The following LRRC8B variants were observed in gnomAD, a reference collection of about 807,000 sequenced individuals.
LRRC8B encodes the protein leucine rich repeat containing 8 VRAC subunit B, also known as volume-regulated anion channel subunit LRRC8B.
LRRC8B carries 23 observed loss-of-function variants against 58.8 expected under a neutral mutation model. The observed-to-expected ratio is 0.39, with a 90% CI of 0.28 to 0.55. LRRC8B has a LOEUF of 0.55. LRRC8B is among the 20% of genes least tolerant of loss of function. The pLI is 0.62. For synonymous variants in LRRC8B, 359 were observed against 374.1 expected (o/e 0.96, Z 0.47); for missense variants, 694 against 936.0 (o/e 0.74, Z 3.37).
chr1:89,548,221 G>A lies in LRRC8B; in HGVS notation c.-240-20026G>A, dbSNP rs555090203. On this transcript the variant is annotated intron_variant, in intron 1 of 5. Transcript: ENST00000330947. ...TTAGACATCAAATGGAAAAGCTATA[G>A]CATGAATTACTCAGAATACATCTTT... Among the ~76,000 whole-genome samples, 4 of 152,200 alleles carry A rather than the reference G, an allele frequency of 2.6e-5. No individual in the cohort carries two copies. The South Asian group carries it at 8.3e-4, about 32-fold the overall frequency.
chr1:89,541,489 A>G (rs528003310), intron 1 of LRRC8B, among the ~76,000 whole-genome samples: 1,984 of 151,846 alleles, frequency 0.013, 41 homozygotes, highest in African/African-American at 0.045. Context: ...AGGCGGGCGG[A>G]TCACGAGGTC....
Position 89,595,778 on chromosome 1 carries a change from A to G in LRRC8B, c.*2735A>G, listed in dbSNP as rs1159480450. On this transcript the variant is annotated 3_prime_UTR_variant, in exon 6 of 6. Transcript: ENST00000330947. ...AGGGTGTTAATACCACCTTTACTGT[A>G]CTGTTGGAGCAGATCTTTATTTTAC... is the stretch of plus-strand genomic sequence containing the variant. 1 of 152,160 alleles carries G rather than the reference A, an allele frequency of 6.6e-6. No individual in the cohort carries two copies. The highest frequency in any genetic ancestry group is 2.4e-5 in the African/African-American group (1 of 41,438). The allele number at this position is 152,160 out of a possible 1,614,324, so 9.4% of individuals were successfully genotyped here.
At chr1:89,564,546 CTAA>C (rs947205958) in intron 1 of LRRC8B, among the ~76,000 whole-genome samples, 3 of 152,160 alleles carry the variant, frequency 2.0e-5, no homozygotes, top group African/African-American at 7.2e-5. Context: ...TTAGAGTTGG[CTAA>C]TAATATCTAC....
chr1:89,573,883 A>G (rs573609891), intron 3 of LRRC8B, among the ~76,000 whole-genome samples: 2 of 152,308 alleles, frequency 1.3e-5, no homozygotes, highest in Non-Finnish European at 2.9e-5. Context: ...AACTCTGCCT[A>G]TCAAGAGGTG....
At chr1:89,575,039 C>A (rs550429035) in intron 3 of LRRC8B, among the ~76,000 whole-genome samples, 1 of 152,260 alleles carries the variant, frequency 6.6e-6, no homozygotes, top group African/African-American at 2.4e-5. Context: ...GGACTTCAAG[C>A]CTGAATTTGA....
intron 1 of LRRC8B, among the ~76,000 whole-genome samples, chr1:89,528,900 G>T (rs1308100875): frequency 6.6e-6 from 1 of 152,178 alleles, no homozygotes; most frequent in East Asian, 1.9e-4. Flanking sequence ...TATACTTCTT[G>T]TTATATGTCA....
intron 3 of LRRC8B, among the ~76,000 whole-genome samples, chr1:89,574,294 C>T (rs1653679129): frequency 6.6e-6 from 1 of 152,144 alleles, no homozygotes; most frequent in South Asian, 2.1e-4. Context: ...TGACTTGTTA[C>T]ACAGAATAAA....
intron 1 of LRRC8B, among the ~76,000 whole-genome samples, chr1:89,527,679 C>G (rs1649807768): frequency 6.6e-6 from 1 of 152,236 alleles, no homozygotes; most frequent in African/African-American, 2.4e-5. Flanking sequence ...TCCTACATGC[C>G]TTTATTATGA....
At chr1:89,545,915 G>T (rs1313574301) in intron 1 of LRRC8B, among the ~76,000 whole-genome samples, 1 of 152,152 alleles carries the variant, frequency 6.6e-6, no homozygotes, top group Non-Finnish European at 1.5e-5. Flanking sequence ...TGAAATCATT[G>T]CGGATGAAAC....
At chr1:89,580,141 G>A (rs552076853) in intron 4 of LRRC8B, among the ~76,000 whole-genome samples, 5 of 152,238 alleles carry the variant, frequency 3.3e-5, no homozygotes, top group South Asian at 2.1e-4. Flanking sequence ...AGGTTGTTGC[G>A]CAAAAATGTA....
In LRRC8B at chr1:89,595,285, A is replaced by G. The variant is rs201480013; in HGVS notation, c.*2242A>G. ...TTTTTCGTTGTTATTTTCATTTTTTAAAGTGTGAGTTGATGTTTATTTTAG... is the reference window on the plus strand; with the variant it reads ...TTTTTCGTTGTTATTTTCATTTTTTGAAGTGTGAGTTGATGTTTATTTTAG... On this transcript the variant is annotated 3_prime_UTR_variant, in exon 6 of 6. Transcript: ENST00000330947. 7 of 152,256 alleles carry G rather than the reference A, an allele frequency of 4.6e-5. No homozygotes were observed. The East Asian group carries it at 1.2e-3, about 25-fold the overall frequency. The allele number at this position is 152,256 out of a possible 1,614,324, so 9.4% of individuals were successfully genotyped here.
chr1:89,587,874 T>C (rs1308141714), intron 5 of LRRC8B: 2 of 152,164 alleles, frequency 1.3e-5, no homozygotes, highest in Non-Finnish European at 2.9e-5. Context: ...AAAAGCACAA[T>C]GGTGAGGATA....
intron 1 of LRRC8B, among the ~76,000 whole-genome samples, chr1:89,552,023 T>C (rs906381429): frequency 3.9e-5 from 6 of 152,204 alleles, no homozygotes; most frequent in Non-Finnish European, 7.3e-5. Flanking sequence ...ATTTCATTCT[T>C]ATACAGAGCA....
chr1:89,568,943 G>C lies in LRRC8B; in HGVS notation c.-125+450G>C, dbSNP rs183233259. On this transcript the variant is annotated intron_variant, in intron 3 of 5. Coordinates refer to ENST00000330947, the MANE Select transcript of LRRC8B (RefSeq NM_001369817.2). ...AAGATGGCCATACTTTCTTTGAGTA[G>C]GCAAGCCAGAAATAAACAAGCCCTA... Among the ~76,000 whole-genome samples, 771 of 152,202 alleles carry C rather than the reference G, an allele frequency of 5.1e-3. 11 individuals carry two copies. Among genetic ancestry groups the C allele is most frequent in the Non-Finnish European group, 4.2e-3 (283 of 67,984 alleles).
At position 89,570,651 on chromosome 1, in the gene LRRC8B, C is replaced by T. The variant is rs114331629; in HGVS notation, c.-125+2158C>T. 5.3e-3 allele frequency among the ~76,000 whole-genome samples: 808 copies of T among 152,198 alleles called. 1 individual carries two copies. Among genetic ancestry groups the T allele is most frequent in the Non-Finnish European group, 8.6e-3 (582 of 67,996 alleles). ...TGCATAGTTTGCAAAATTTTTTTCG[C>T]ATTCTGTAGGTTGTCTGTTTACTCT... On this transcript the variant is annotated intron_variant, in intron 3 of 5. Transcript: ENST00000330947.
intron 1 of LRRC8B, among the ~76,000 whole-genome samples, chr1:89,567,861 A>G (rs1305654768): frequency 6.6e-6 from 1 of 152,152 alleles, no homozygotes; most frequent in Non-Finnish European, 1.5e-5. Context: ...TGTGAACTAT[A>G]TGTTTCCATC....
At chr1:89,550,634 T>G (rs1320310184) in intron 1 of LRRC8B, among the ~76,000 whole-genome samples, 1 of 152,230 alleles carries the variant, frequency 6.6e-6, no homozygotes, top group Non-Finnish European at 1.5e-5. Flanking sequence ...AGTTAGCTCC[T>G]TGGTCTTCCA....
intron 4 of LRRC8B, among the ~76,000 whole-genome samples, chr1:89,580,960 A>T (rs1654172619): frequency 6.6e-6 from 1 of 152,124 alleles, no homozygotes; most frequent in South Asian, 2.1e-4. Context: ...GGTTCAAGGC[A>T]GGATACCAGA....
rs139961109 is a variant in LRRC8B at position 89,537,409 on chromosome 1, G to A, written c.-241+12387G>A. ...ACAGTGATGAGAGGTAGGACATTTG[G>A]AAGATGATTGGATTGTAAAAACAAA... is the stretch of plus-strand genomic sequence containing the variant. On this transcript the variant is annotated intron_variant, in intron 1 of 5. Transcript: ENST00000330947. Among the ~76,000 whole-genome samples, 279 of 152,300 alleles carry A rather than the reference G, an allele frequency of 1.8e-3. 3 individuals carry two copies. The highest frequency in any genetic ancestry group is 6.3e-3 in the African/African-American group (260 of 41,562).
Sources: allele counts gnomAD v4.1 joint callset (sites outside exome capture counted in the v4.1 genomes callset), GRCh38; gene constraint gnomAD v4.1.1; transcripts MANE v1.5; gene names NCBI Gene and HGNC (gene_info 2026-07-23, HGNC 2026-07-21).